The following PTK2 variants were observed in gnomAD, a reference collection of about 807,000 sequenced individuals.
PTK2 encodes protein tyrosine kinase 2.
A neutral mutation model predicts 150.1 loss-of-function variants in PTK2; 45 were observed. The ratio of observed to expected loss-of-function variants is 0.30; its 90% CI spans 0.24 to 0.38. The LOEUF (loss-of-function observed/expected upper bound fraction) is 0.38. PTK2 is among the 10% of genes least tolerant of loss of function. PTK2 has a pLI of 1.00. For synonymous variants in PTK2, 432 were observed against 449.2 expected, an observed-to-expected ratio of 0.96 and a Z score of 0.48; for missense variants, 919 against 1,307.3, an observed-to-expected ratio of 0.70 and a Z score of 4.58.
chr8:140,830,443 T>G, intron 8 of PTK2, 29 bp downstream of exon 8: 2 of 1,440,632 alleles, frequency 1.4e-6, no homozygotes, highest in Non-Finnish European at 1.9e-6. Context: ...ATTTTGTTAT[T>G]TTATTATGAT....
At chr8:140,662,036 G>A (rs1204776974) in intron 31 of PTK2, among the ~76,000 whole-genome samples, 1 of 152,154 alleles carries the variant, frequency 6.6e-6, no homozygotes, top group Admixed American at 6.5e-5. Context: ...GGTGGCTCAC[G>A]CCTGTAACCC....
At chr8:140,927,975 A>AAAAAAAAAAAAAAAAAAAT in intron 1 of PTK2, among the ~76,000 whole-genome samples, 2 of 48,196 alleles carry the variant, frequency 4.1e-5, no homozygotes, top group African/African-American at 9.8e-5. Flanking sequence ...AAAAAAAAAA[A>AAAAAAAAAAAAAAAAAAAT]ATATATATAT....
chr8:140,950,982 T>A (rs76357261), intron 1 of PTK2, among the ~76,000 whole-genome samples: 18 of 151,960 alleles, frequency 1.2e-4, no homozygotes, highest in African/African-American at 3.1e-4. Context: ...ATATATATAT[T>A]TTTTTAAGTC....
At chr8:140,664,313 T>A (rs2086245448) in intron 31 of PTK2, among the ~76,000 whole-genome samples, 1 of 152,186 alleles carries the variant, frequency 6.6e-6, no homozygotes, top group African/African-American at 2.4e-5. Context: ...TTTTATTTAT[T>A]AATTTTTTGG....
At chr8:140,735,282 G>A in exon 22 of PTK2, 1 of 1,614,028 alleles carries the variant, frequency 6.2e-7, no homozygotes, top group Non-Finnish European at 8.5e-7. Context: ...GTAAACCTGG[G>A]CCGCCTGCTG....
intron 7 of PTK2, among the ~76,000 whole-genome samples, chr8:140,839,101 G>A (rs975598142): frequency 1.6e-4 from 24 of 152,234 alleles, no homozygotes; most frequent in African/African-American, 4.8e-4. Context: ...TAGGCAACAG[G>A]GTGATAAACA....
At chr8:140,735,328 G>A in exon 22 of PTK2, 1 of 1,614,138 alleles carries the variant, frequency 6.2e-7, no homozygotes, top group Non-Finnish European at 8.5e-7. Flanking sequence ...TAAGGCTGTA[G>A]AGGGTAGGAG....
intron 1 of PTK2, among the ~76,000 whole-genome samples, chr8:140,997,024 A>G (rs1217638377): frequency 6.6e-6 from 1 of 152,246 alleles, no homozygotes; most frequent in Non-Finnish European, 1.5e-5. Flanking sequence ...TTCATGACAC[A>G]TTGGAGGAGG....
At chr8:140,772,625 T>C (rs990355027) in intron 14 of PTK2, among the ~76,000 whole-genome samples, 2 of 152,224 alleles carry the variant, frequency 1.3e-5, no homozygotes, top group Non-Finnish European at 2.9e-5. Context: ...TAAGATGATA[T>C]CTTTGGTCTT....
exon 7 of PTK2, chr8:140,846,280 C>T (rs1171077975): frequency 1.2e-6 from 2 of 1,612,156 alleles, no homozygotes; most frequent in Admixed American, 1.7e-5. Flanking sequence ...CATAGTTAGA[C>T]TTCTTTTCTA....
chr8:140,752,340 C>T, intron 16 of PTK2, 24 bp from the exon 20 acceptor site: 1 of 1,595,556 alleles, frequency 6.3e-7, no homozygotes, highest in Non-Finnish European at 8.6e-7. Flanking sequence ...ATTATAGAAT[C>T]ACACACACAT....
chr8:140,731,740 C>CA (rs1197134518), intron 22 of PTK2, among the ~76,000 whole-genome samples: 1 of 151,990 alleles, frequency 6.6e-6, no homozygotes, highest in African/African-American at 2.4e-5. Context: ...ACCAAAAATA[C>CA]AAAAAATTAG....
chr8:140,786,586 A>G (rs1172762642), intron 14 of PTK2, among the ~76,000 whole-genome samples: 1 of 152,100 alleles, frequency 6.6e-6, no homozygotes, highest in Non-Finnish European at 1.5e-5. Flanking sequence ...ATTGAATGTC[A>G]GGATGACAGA....
intron 26 of PTK2, among the ~76,000 whole-genome samples, chr8:140,688,074 T>C (rs761769568): frequency 1.3e-5 from 2 of 152,206 alleles, no homozygotes; most frequent in Non-Finnish European, 2.9e-5. Flanking sequence ...ACTTGTGTGT[T>C]GTCCCTGAAT....
chr8:140,828,193 G>T (rs2100113090), intron 8 of PTK2, among the ~76,000 whole-genome samples: 2 of 151,558 alleles, frequency 1.3e-5, no homozygotes, highest in African/African-American at 2.4e-5. Flanking sequence ...AGAGAAAGTA[G>T]AATTAAAAAT....
In PTK2 at chr8:140,678,057, TTAAG is replaced by T. The variant is rs918504503; in HGVS notation, c.2563-2562_2563-2559del. Among the ~76,000 whole-genome samples, 14 of 152,290 alleles carry T rather than the reference TTAAG, an allele frequency of 9.2e-5. 1 individual carries two copies. Among genetic ancestry groups the T allele is most frequent in the African/African-American group, 3.1e-4 (13 of 41,574 alleles). On this transcript the variant is annotated intron_variant, in intron 27 of 31. Coordinates refer to ENST00000522684, the Ensembl canonical transcript of PTK2. ...ACGTTTTTTGGTATTGGTTGATTGA[TTAAG>T]TGAGTGACTGAGTCTCACTCTGTCG...
chr8:140,752,014 C>T (rs913788056), intron 17 of PTK2: 1 of 693,204 alleles, frequency 1.4e-6, no homozygotes, highest in South Asian at 1.4e-5. Context: ...AAAGTAAATG[C>T]ACATCAATCT....
intron 1 of PTK2, among the ~76,000 whole-genome samples, chr8:140,998,089 G>A (rs1235248202): frequency 6.6e-6 from 1 of 152,090 alleles, no homozygotes; most frequent in South Asian, 2.1e-4. Flanking sequence ...CTATACTACA[G>A]GAACTAAACT....
At chr8:140,894,076 C>T (rs1382553192) in intron 2 of PTK2, among the ~76,000 whole-genome samples, 1 of 152,128 alleles carries the variant, frequency 6.6e-6, no homozygotes, top group African/African-American at 2.4e-5. Context: ...ACCATACTCC[C>T]CCCAATGTGA....
Sources: gnomAD v4.1 joint callset for allele counts (sites outside exome capture counted in the v4.1 genomes callset) on GRCh38, gnomAD v4.1.1 for gene constraint, MANE v1.5 for transcripts, NCBI Gene and HGNC (gene_info 2026-07-23, HGNC 2026-07-21) for gene names.